ARHGAP21: variants seen among roughly 807,000 people sequenced by gnomAD.
ARHGAP21 encodes rho GTPase-activating protein 21.
In ARHGAP21, 38 loss-of-function variants were observed where a neutral mutation model predicts 164.6. The observed-to-expected ratio is 0.23, with a 90% CI of 0.18 to 0.30. The LOEUF is 0.30. Ranked by LOEUF, ARHGAP21 falls within the 10% of genes least tolerant of loss-of-function variation. ARHGAP21 has a pLI of 1.00. For missense variants in ARHGAP21, 1,822 were observed against 2,370.7 expected (o/e 0.77, Z 4.81); for synonymous variants, 766 against 857.9 (o/e 0.89, Z 1.87).
rs1464536163 is a variant in ARHGAP21 at position 24,723,618 on chromosome 10, C to G, written c.-437G>C. ...GGCTGGCCGGCTCCGGGACAGCGCGCCCCGCCCGCCCGCCCGGCGTGAGCC... is the reference window on the plus strand; with the variant it reads ...GGCTGGCCGGCTCCGGGACAGCGCGGCCCGCCCGCCCGCCCGGCGTGAGCC... On this transcript the variant is annotated 5_prime_UTR_variant, in exon 1 of 26. Coordinates refer to ENST00000396432, the MANE Select transcript of ARHGAP21 (RefSeq NM_020824.4). 6.8e-6 allele frequency: 1 copy of G among 147,380 alleles called. No individual in the cohort carries two copies. The highest frequency in any genetic ancestry group is 1.5e-5 in the Non-Finnish European group (1 of 65,944). The allele number at this position is 147,380 out of a possible 1,614,324, so 9.1% of individuals were successfully genotyped here. A position where few individuals can be genotyped will look rare whatever the true frequency, so the allele number is the denominator to read the frequency against.
In ARHGAP21 at chr10:24,619,394, A is replaced by G. The variant is rs982591686; in HGVS notation, c.2422+79T>C. 4.6e-5 allele frequency: 64 copies of G among 1,384,842 alleles called. No homozygotes were observed. In the African/African-American group the frequency reaches 7.7e-4, roughly 17 times the overall value. 85.8% of individuals were successfully genotyped at this position (1,384,842 alleles called of 1,614,324 possible). ...ATCACAGTGTAAGACTTCTATGCCT[A>G]TTGAACTAGAAATAATACTTTTCTG... is the stretch of plus-strand genomic sequence containing the variant. On this transcript the variant is annotated intron_variant, in intron 9 of 25. Coordinates refer to ENST00000396432, the MANE Select transcript of ARHGAP21 (RefSeq NM_020824.4).
At position 24,597,488 on chromosome 10, in the gene ARHGAP21, T is replaced by C. The variant is rs774595141; in HGVS notation, c.3293A>G (p.His1098Arg). 5 of 1,613,888 alleles carry C rather than the reference T, an allele frequency of 3.1e-6. No homozygotes were observed. Among genetic ancestry groups the C allele is most frequent in the Non-Finnish European group, 4.2e-6 (5 of 1,179,944 alleles). Residue 1098 changes from histidine to arginine, a missense_variant, in exon 16 of 26, where the codon CAC becomes CGC. Physicochemically the swap from His to Arg is conservative, Grantham distance 29 (BLOSUM62 0). This residue lies in a region of ARHGAP21 where 1,090 missense variants were observed against 1,378.9 expected (regional missense o/e 0.79). Transcript: ENST00000396432. ...AKSEPKTQSP[H>R]SPKEESERKL... ...CCTTTCCGACTCTTCCTTCGGAGAG[T>C]GTGGGCTTTGAGTCTTTGGCTCTGA... is the stretch of plus-strand genomic sequence containing the variant.
At chr10:24,651,172 C>A (rs1332988814) in intron 4 of ARHGAP21, among the ~76,000 whole-genome samples, 2 of 152,208 alleles carry the variant, frequency 1.3e-5, no homozygotes, top group Admixed American at 1.3e-4. Flanking sequence ...ACAGCCCCAG[C>A]TGCCGCCCTT....
chr10:24,597,903 A>AT, intron 15 of ARHGAP21, 42 bp downstream of exon 15: 1 of 1,581,382 alleles, frequency 6.3e-7, no homozygotes, highest in Non-Finnish European at 8.7e-7. Context: ...GACTGTACTG[A>AT]TTTTATATCC....
At chr10:24,598,629 C>T (rs1303305764) in intron 14 of ARHGAP21, among the ~76,000 whole-genome samples, 1 of 152,052 alleles carries the variant, frequency 6.6e-6, no homozygotes, top group Admixed American at 6.6e-5. Flanking sequence ...TAAAGTGATC[C>T]TTTTTTTCCT....
chr10:24,596,663 G>C, intron 17 of ARHGAP21, 77 bp downstream of exon 17: 1 of 1,576,082 alleles, frequency 6.3e-7, no homozygotes, highest in Non-Finnish European at 8.6e-7. Context: ...TTGTCTGAAA[G>C]GCTATATACT....
chr10:24,708,665 G>A (rs943373253), intron 2 of ARHGAP21, among the ~76,000 whole-genome samples: 3 of 152,124 alleles, frequency 2.0e-5, no homozygotes, highest in South Asian at 2.1e-4. Context: ...ACTTATGAGC[G>A]AGAACATGCA....
chr10:24,597,626 C>T (rs1265769911), intron 15 of ARHGAP21, 43 bp from the exon 16 acceptor site: 1 of 1,607,202 alleles, frequency 6.2e-7, no homozygotes, highest in Non-Finnish European at 8.5e-7. Context: ...CAGTAATCCC[C>T]CTCTATCTAT....
chr10:24,600,957 T>C, intron 13 of ARHGAP21, 27 bp from the exon 14 acceptor site: 2 of 1,597,530 alleles, frequency 1.3e-6, no homozygotes, highest in African/African-American at 1.3e-5. Context: ...AGTTCTTTAA[T>C]AGTCAATATT....
Position 24,633,883 on chromosome 10 carries a change from CTTTTTTTTTTTTT to C in ARHGAP21, c.362-416_362-404del, listed in dbSNP as rs3073324. On this transcript the variant is annotated intron_variant, in intron 5 of 25. Transcript: ENST00000396432. Reference sequence around the variant, plus strand: ...CTCCACGTACCCTGTCTTTTTTTCTCTTTTTTTTTTTTTTTTTTTTTTTTTTTGAGACAGAGTC... The same window carrying C: ...CTCCACGTACCCTGTCTTTTTTTCTCTTTTTTTTTTTTTTGAGACAGAGTC... 7.9e-5 allele frequency among the ~76,000 whole-genome samples: 6 copies of C among 75,496 alleles called. 1 individual carries two copies. Among genetic ancestry groups the C allele is most frequent in the East Asian group, 4.5e-4 (1 of 2,230 alleles). 49.5% of individuals were successfully genotyped at this position (75,496 alleles called of 152,430 possible). A position where few individuals can be genotyped will look rare whatever the true frequency, so the allele number is the denominator to read the frequency against.
intron 2 of ARHGAP21, among the ~76,000 whole-genome samples, chr10:24,720,501 G>T (rs1845823495): frequency 6.6e-6 from 1 of 152,154 alleles, no homozygotes; most frequent in South Asian, 2.1e-4. Context: ...CTGCAAGCAG[G>T]TGTTTACAGA....
In ARHGAP21 at chr10:24,625,363, C is replaced by T. The variant is rs961254011; in HGVS notation, c.496-2601G>A. ...AAGGTGGTAAGATTAAAATTCCTGC[C>T]TTTCAGTTCACCTTTAACAGGTTAT... On this transcript the variant is annotated intron_variant, in intron 7 of 25. Coordinates refer to ENST00000396432, the MANE Select transcript of ARHGAP21 (RefSeq NM_020824.4). Among the ~76,000 whole-genome samples the T allele has an allele frequency of 9.4e-5, 14 of 149,188 alleles. 1 individual carries two copies. The highest frequency in any genetic ancestry group is 1.8e-4 in the Non-Finnish European group (12 of 67,644).
At chr10:24,603,335 T>A (rs541740136) in intron 12 of ARHGAP21, among the ~76,000 whole-genome samples, 18 of 152,320 alleles carry the variant, frequency 1.2e-4, no homozygotes, top group African/African-American at 4.3e-4. Flanking sequence ...GCGAGGGCTC[T>A]AGGAAGTTAA....
intron 2 of ARHGAP21, among the ~76,000 whole-genome samples, chr10:24,699,275 T>C (rs114755139): frequency 1.1e-3 from 167 of 152,244 alleles, no homozygotes; most frequent in African/African-American, 3.2e-3. Flanking sequence ...ATTATATCCA[T>C]ATAATTTTAT....
intron 7 of ARHGAP21, chr10:24,629,519 CT>C (rs1835640708): frequency 6.3e-6 from 1 of 157,770 alleles, no homozygotes; most frequent in South Asian, 1.8e-4. Flanking sequence ...AACAATACTG[CT>C]TGGTGAATTT....
chr10:24,708,516 T>C (rs917328857), intron 2 of ARHGAP21, among the ~76,000 whole-genome samples: 2 of 152,220 alleles, frequency 1.3e-5, no homozygotes, highest in African/African-American at 4.8e-5. Context: ...GCTTTTCGTA[T>C]ATTTATCACC....
At chr10:24,633,910 T>TTTG (rs1836104950) in intron 5 of ARHGAP21, among the ~76,000 whole-genome samples, 1 of 140,844 alleles carries the variant, frequency 7.1e-6, no homozygotes, top group Non-Finnish European at 1.5e-5. Flanking sequence ...TTTTTTTTTT[T>TTTG]GAGACAGAGT....
chr10:24,619,818 C>A lies in ARHGAP21; in HGVS notation c.2077G>T (p.Ala693Ser), dbSNP rs749215611. The stretch of plus-strand genomic sequence containing the variant: ...CCAGCGTTTTCACTCGACTGAGGGG[C>A]AGGCTTGGCAGAGGCTCCAGATAAA... ...PSLSGASAKPAPQSSENAGTS... is the reference protein window; with the variant it reads ...PSLSGASAKPSPQSSENAGTS... Residue 693 changes from alanine to serine, a missense_variant, in exon 9 of 26, where the codon GCC becomes TCC. Ala to Ser is a moderately conservative substitution (Grantham distance 99, BLOSUM62 1). Coordinates refer to ENST00000396432, the MANE Select transcript of ARHGAP21 (RefSeq NM_020824.4). 1.5e-5 allele frequency: 24 copies of A among 1,614,154 alleles called. 1 individual carries two copies. In the South Asian group the frequency reaches 2.6e-4, roughly 18 times the overall value.
chr10:24,701,915 A>G (rs1843703898), intron 2 of ARHGAP21, among the ~76,000 whole-genome samples: 2 of 152,070 alleles, frequency 1.3e-5, no homozygotes, highest in South Asian at 4.2e-4. Context: ...TGAGTTCCCT[A>G]TGTATGTGGC....
Sources: allele counts gnomAD v4.1 joint callset (sites outside exome capture counted in the v4.1 genomes callset), GRCh38; gene constraint gnomAD v4.1.1; regional missense constraint gnomAD v4.1.1; transcripts MANE v1.5; gene names NCBI Gene and HGNC (gene_info 2026-07-23, HGNC 2026-07-21).